Variants in C4orf50 observed in about 807,000 individuals in gnomAD.
The protein encoded by C4orf50 is uncharacterized protein C4orf50.
A neutral mutation model predicts 77.2 loss-of-function variants in C4orf50; 80 were observed. That is an observed-to-expected ratio of 1.04 (90% CI 0.87 to 1.25). The LOEUF (loss-of-function observed/expected upper bound fraction) is 1.25, where lower values mean the gene tolerates loss of function less well. C4orf50 is among the 50% of genes most tolerant of loss of function. The probability of loss-of-function intolerance (pLI) is 0.00; values close to 1 mark genes in which losing one functional copy is unlikely to be tolerated. For missense variants in C4orf50, 1,257 were observed against 1,152.9 expected (o/e 1.09, Z -1.31); for synonymous variants, 532 against 465.3 (o/e 1.14, Z -1.84).
chr4:5,986,053 G>C (rs938880411), intron 28 of C4orf50, among the ~76,000 whole-genome samples: 2 of 152,158 alleles, frequency 1.3e-5, no homozygotes, highest in Admixed American at 6.5e-5. Flanking sequence ...ATACACAAAT[G>C]CACACTCAGA....
intron 7 of C4orf50, among the ~76,000 whole-genome samples, chr4:5,921,825 C>T (rs532583598): frequency 3.0e-4 from 46 of 152,262 alleles, no homozygotes; most frequent in South Asian, 8.3e-4. Context: ...AGCAGTCTGA[C>T]GGCCGGTGCT....
At chr4:5,917,534 C>T (rs1271018748) in intron 7 of C4orf50, among the ~76,000 whole-genome samples, 6 of 150,678 alleles carry the variant, frequency 4.0e-5, no homozygotes, top group Non-Finnish European at 8.9e-5. Flanking sequence ...CTGCCTCAGC[C>T]TCCTGAGTAG....
chr4:5,928,951 G>A (rs994820714), intron 7 of C4orf50, among the ~76,000 whole-genome samples: 16 of 152,176 alleles, frequency 1.1e-4, no homozygotes, highest in Non-Finnish European at 1.9e-4. Context: ...TTTCCCCAAA[G>A]CATCATCTTT....
chr4:5,900,250 A>T lies in C4orf50; in HGVS notation c.*2475-2062T>A, dbSNP rs370977751. On this transcript the variant is annotated intron_variant, in intron 7 of 7. Coordinates refer to the C4orf50 transcript ENST00000324058. The surrounding 1 kb of genome is among the most constrained non-coding windows in gnomAD (Gnocchi z 4.3). ...TTGCTGAGTAAAACAAATAGAAAGG[A>T]CCCCAGCTGTAAAAGGACTTGCGTT... 3.9e-5 allele frequency: 6 copies of T among 152,226 alleles called. No individual in the cohort carries two copies. The East Asian group carries it at 5.8e-4, about 15-fold the overall frequency. The allele number at this position is 152,226 out of a possible 1,614,324, so 9.4% of individuals were successfully genotyped here. A position where few individuals can be genotyped will look rare whatever the true frequency, so the allele number is the denominator to read the frequency against.
At chr4:5,973,625 G>C in intron 31 of C4orf50, 34 bp downstream of exon 9, 2 of 1,571,844 alleles carry the variant, frequency 1.3e-6, no homozygotes, top group Non-Finnish European at 1.7e-6. Context: ...CACTCCCATA[G>C]GAAGCACAGA....
chr4:5,998,256 T>G (rs548806440), intron 25 of C4orf50, among the ~76,000 whole-genome samples: 2 of 152,242 alleles, frequency 1.3e-5, no homozygotes, highest in East Asian at 3.9e-4. Flanking sequence ...ATTTTTTAAC[T>G]AATGGAGCTG....
rs1055617570 is a variant in C4orf50, at chr4:5,908,374, G to T, written c.*2475-10186C>A. ...CACTGCACTGCACTGCATGTGTGGG[G>T]ATATCAGAGAGGACCTCTGACTTCA... On this transcript the variant is annotated intron_variant, in intron 7 of 7. Coordinates refer to the C4orf50 transcript ENST00000324058. This position sits in a 1 kb window ranked among gnomAD's most constrained non-coding sequence, Gnocchi z 5.6. 1.3e-5 allele frequency among the ~76,000 whole-genome samples: 2 copies of T among 152,152 alleles called. No homozygotes were observed. Among genetic ancestry groups the T allele is most frequent in the Non-Finnish European group, 2.9e-5 (2 of 68,036 alleles).
At chr4:5,921,436 CACA>C (rs1560542368) in intron 7 of C4orf50, among the ~76,000 whole-genome samples, 2 of 152,056 alleles carry the variant, frequency 1.3e-5, no homozygotes, top group African/African-American at 4.8e-5. Flanking sequence ...TAGACGGTGG[CACA>C]TGTTATGTGC....
chr4:5,971,506 G>C (rs1293997246), intron 31 of C4orf50, among the ~76,000 whole-genome samples: 2 of 152,100 alleles, frequency 1.3e-5, no homozygotes, highest in African/African-American at 4.8e-5. Context: ...CTTTCAAAAG[G>C]CCTGGCAGGG....
intron 7 of C4orf50, among the ~76,000 whole-genome samples, chr4:5,950,596 T>C (rs1718673196): frequency 6.6e-6 from 1 of 152,218 alleles, no homozygotes; most frequent in Admixed American, 6.5e-5. Context: ...TCTCCTGCCT[T>C]CCTTCTTCAA....
intron 23 of C4orf50, among the ~76,000 whole-genome samples, chr4:6,013,780 T>C (rs1464978647): frequency 6.6e-6 from 1 of 151,934 alleles, no homozygotes; most frequent in Non-Finnish European, 1.5e-5. Flanking sequence ...GACCAGGAAA[T>C]GGATTTCCCC....
chr4:5,967,841 G>A (rs528625797), intron 31 of C4orf50, among the ~76,000 whole-genome samples: 1 of 152,242 alleles, frequency 6.6e-6, no homozygotes, highest in Non-Finnish European at 1.5e-5. Flanking sequence ...CAGGAATTCA[G>A]GTCAGGCTTG....
At chr4:5,929,295 G>A (rs150981954) in intron 7 of C4orf50, among the ~76,000 whole-genome samples, 380 of 152,286 alleles carry the variant, frequency 2.5e-3, no homozygotes, top group African/African-American at 8.5e-3. Flanking sequence ...GCTCTGATGC[G>A]CCTGTCAGCA....
intron 30 of C4orf50, among the ~76,000 whole-genome samples, chr4:5,974,774 G>A (rs947830783): frequency 8.5e-5 from 13 of 152,194 alleles, no homozygotes; most frequent in Admixed American, 7.9e-4. Flanking sequence ...CCCCATGGGT[G>A]AGTAATGACA....
At chr4:5,942,805 T>A (rs1251440232) in intron 7 of C4orf50, among the ~76,000 whole-genome samples, 1 of 152,200 alleles carries the variant, frequency 6.6e-6, no homozygotes, top group Non-Finnish European at 1.5e-5. Flanking sequence ...ATACTGCATG[T>A]TGAATGAGAA....
chr4:5,989,595 C>G (rs928532852), exon 28 of C4orf50: 222 of 1,536,024 alleles, frequency 1.4e-4, no homozygotes, highest in Non-Finnish European at 1.9e-4. Context: ...GCAGGGTGGA[C>G]AGCTGCTGGA....
rs185680434 is a variant in C4orf50 at position 5,903,701 on chromosome 4, G to C, written c.*2475-5513C>G. The C allele has an allele frequency of 6.6e-5, 10 of 152,260 alleles. No homozygotes were observed. The East Asian group carries it at 1.9e-3, about 29-fold the overall frequency. The allele number at this position is 152,260 out of a possible 1,614,324, so 9.4% of individuals were successfully genotyped here. A position where few individuals can be genotyped will look rare whatever the true frequency, so the allele number is the denominator to read the frequency against. ...TGTTTCTAATTTTGCAAGATGAAAAGGTTCTGGAGATGGATGATGGTGATG... is the reference window on the plus strand; with the variant it reads ...TGTTTCTAATTTTGCAAGATGAAAACGTTCTGGAGATGGATGATGGTGATG... On this transcript the variant is annotated intron_variant, in intron 7 of 7. Coordinates refer to the C4orf50 transcript ENST00000324058.
intron 7 of C4orf50, among the ~76,000 whole-genome samples, chr4:5,937,144 G>GA (rs988718755): frequency 1.1e-3 from 156 of 147,244 alleles, no homozygotes; most frequent in Middle Eastern, 3.5e-3. Context: ...AAACTCAAAA[G>GA]AAAAAAAAAT....
chr4:5,967,419 A>C lies in C4orf50; in HGVS notation c.4148T>G (p.Leu1383Ter). The C allele has an allele frequency of 6.2e-7, 1 of 1,613,570 alleles. No homozygotes were observed. The change falls in exon 32 of 34, where the codon TTA becomes TGA. Residue 1383 changes from leucine (L) to a stop codon, truncating the protein, a stop_gained. Transcript: ENST00000531445. LOFTEE classifies it high-confidence loss of function. Reference sequence around the variant, plus strand: ...TGATCAAAAATCACACTGACCTCTTAAAGCTGCCGTCATCTCAGACTTGAC... The same window carrying C: ...TGATCAAAAATCACACTGACCTCTTCAAGCTGCCGTCATCTCAGACTTGAC...
Sources: gnomAD v4.1 joint callset for allele counts (sites outside exome capture counted in the v4.1 genomes callset) on GRCh38, gnomAD v4.1.1 for gene constraint, Gnocchi (gnomAD v3.1) non-coding constraint, MANE v1.5 for transcripts, NCBI Gene and HGNC (gene_info 2026-07-23, HGNC 2026-07-21) for gene names.